The following TMPRSS11F variants were observed in gnomAD, a reference collection of about 807,000 sequenced individuals.
TMPRSS11F encodes the protein transmembrane protease serine 11F.
Under a neutral mutation model 60.2 loss-of-function variants are expected in TMPRSS11F, and 47 were observed. The ratio of observed to expected loss-of-function variants is 0.78; its 90% CI spans 0.62 to 1.00. TMPRSS11F has a LOEUF of 1.00. Ranked by LOEUF, TMPRSS11F falls within the 50% of genes least tolerant of loss-of-function variation. TMPRSS11F has a pLI of 0.00. For synonymous variants in TMPRSS11F, 166 were observed against 167.3 expected (o/e 0.99, Z 0.06); for missense variants, 519 against 522.9 (o/e 0.99, Z 0.07).
At chr4:68,087,282 G>T (rs1273701215) in intron 3 of TMPRSS11F, among the ~76,000 whole-genome samples, 2 of 152,078 alleles carry the variant, frequency 1.3e-5, no homozygotes, top group Non-Finnish European at 2.9e-5. Context: ...CCCAATAGAT[G>T]CAGAAAAAGC....
At chr4:68,062,832 G>A in intron 8 of TMPRSS11F, 1 of 766,090 alleles carries the variant, frequency 1.3e-6, no homozygotes, top group Non-Finnish European at 2.4e-6. Context: ...GATTTCCGTA[G>A]AGTTAACTTA....
At chr4:68,063,775 C>A (rs565813731) in intron 8 of TMPRSS11F, among the ~76,000 whole-genome samples, 1 of 151,814 alleles carries the variant, frequency 6.6e-6, no homozygotes, top group African/African-American at 2.4e-5. Context: ...CTTTTAACAC[C>A]CCTAGCAGGT....
chr4:68,099,096 T>C (rs2109871656), intron 1 of TMPRSS11F, 58 bp from the exon 2 acceptor site: 1 of 1,439,442 alleles, frequency 6.9e-7, no homozygotes, highest in Non-Finnish European at 9.6e-7. Context: ...CAACTTTATG[T>C]TTACTTACTA....
chr4:68,075,499 G>GTC (rs1208871617), intron 3 of TMPRSS11F, among the ~76,000 whole-genome samples: 7 of 148,784 alleles, frequency 4.7e-5, no homozygotes, highest in East Asian at 1.9e-4. Flanking sequence ...CTCTCTGTCT[G>GTC]TCTCTCTCTC....
At chr4:68,066,661 C>T (rs1038998478) in intron 7 of TMPRSS11F, among the ~76,000 whole-genome samples, 37 of 152,192 alleles carry the variant, frequency 2.4e-4, no homozygotes, top group South Asian at 1.7e-3. Context: ...TTAGGCCGGG[C>T]GCGGTGGTTC....
chr4:68,086,830 T>A (rs1296741223), intron 3 of TMPRSS11F, among the ~76,000 whole-genome samples: 1 of 151,952 alleles, frequency 6.6e-6, no homozygotes, highest in East Asian at 1.9e-4. Context: ...AAGTAGAAAT[T>A]GAAAACCTGA....
At chr4:68,075,625 TAAAAG>T (rs939480224) in intron 3 of TMPRSS11F, among the ~76,000 whole-genome samples, 1 of 151,938 alleles carries the variant, frequency 6.6e-6, no homozygotes, top group Non-Finnish European at 1.5e-5. Context: ...TTAAGAGAAA[TAAAAG>T]AAAACTAGGT....
intron 1 of TMPRSS11F, among the ~76,000 whole-genome samples, chr4:68,112,831 T>C (rs1724433949): frequency 6.6e-6 from 1 of 152,138 alleles, no homozygotes; most frequent in Non-Finnish European, 1.5e-5. Flanking sequence ...TACCTTCTCT[T>C]AGTTTATAAT....
At chr4:68,100,972 C>T (rs1016556762) in intron 1 of TMPRSS11F, among the ~76,000 whole-genome samples, 1 of 152,112 alleles carries the variant, frequency 6.6e-6, no homozygotes, top group Non-Finnish European at 1.5e-5. Context: ...GCTGTAATTA[C>T]TTTATTATTC....
chr4:68,054,854 A>G (rs1318450682), intron 9 of TMPRSS11F, among the ~76,000 whole-genome samples: 1 of 152,028 alleles, frequency 6.6e-6, no homozygotes, highest in African/African-American at 2.4e-5. Context: ...AGTTTAGGTT[A>G]AAAACAACAA....
chr4:68,127,346 T>C (rs185445888), intron 1 of TMPRSS11F, among the ~76,000 whole-genome samples: 2 of 152,224 alleles, frequency 1.3e-5, no homozygotes, highest in East Asian at 3.9e-4. Context: ...AGCATGTCAG[T>C]ATTTGTTTTT....
chr4:68,076,013 A>C (rs1256051246), intron 3 of TMPRSS11F, among the ~76,000 whole-genome samples: 1 of 151,590 alleles, frequency 6.6e-6, no homozygotes, highest in African/African-American at 2.4e-5. Flanking sequence ...AAAAAAAAAA[A>C]GAATAAAGAA....
At chr4:68,086,175 C>G (rs929005906) in intron 3 of TMPRSS11F, among the ~76,000 whole-genome samples, 4 of 152,088 alleles carry the variant, frequency 2.6e-5, no homozygotes, top group African/African-American at 4.8e-5. Context: ...AGCAAGCACA[C>G]TCTCATACCA....
rs948751822 is a variant in TMPRSS11F, at chr4:68,064,673, G to A, written c.1015+12C>T. On this transcript the variant is annotated intron_variant, in intron 8 of 9. Transcript: ENST00000356291. ...ATTCTTGTGCTAAGAAAATTAGGTT[G>A]AAACTGCTCACCATCATCTACAATG... 1.2e-6 allele frequency: 2 copies of A among 1,610,756 alleles called. No homozygotes were observed. The highest frequency in any genetic ancestry group is 1.7e-6 in the Non-Finnish European group (2 of 1,178,266).
chr4:68,091,539 T>A (rs770254905), intron 2 of TMPRSS11F, among the ~76,000 whole-genome samples: 2 of 152,136 alleles, frequency 1.3e-5, no homozygotes, highest in Non-Finnish European at 2.9e-5. Flanking sequence ...TTATTGCACA[T>A]TAAATAGGCA....
chr4:68,121,036 G>C (rs1164497506), intron 1 of TMPRSS11F, among the ~76,000 whole-genome samples: 2 of 152,172 alleles, frequency 1.3e-5, no homozygotes, highest in African/African-American at 2.4e-5. Context: ...TATTGCAGTG[G>C]TCTGGAATAG....
chr4:68,102,369 A>AT (rs1724210776), intron 1 of TMPRSS11F, among the ~76,000 whole-genome samples: 1 of 152,088 alleles, frequency 6.6e-6, no homozygotes, highest in Admixed American at 6.6e-5. Flanking sequence ...TGGTAGTTAT[A>AT]TTTTTAATTT....
At chr4:68,087,547 A>G (rs1723837871) in intron 3 of TMPRSS11F, among the ~76,000 whole-genome samples, 1 of 152,128 alleles carries the variant, frequency 6.6e-6, no homozygotes, top group African/African-American at 2.4e-5. Flanking sequence ...AAGGCATCCA[A>G]ATAGAAAAAG....
chr4:68,083,090 A>G (rs1383816873), intron 3 of TMPRSS11F, among the ~76,000 whole-genome samples: 2 of 152,204 alleles, frequency 1.3e-5, no homozygotes, highest in Non-Finnish European at 2.9e-5. Flanking sequence ...CTGCATACCC[A>G]TGACAACACC....
Sources: gnomAD v4.1 joint callset for allele counts (sites outside exome capture counted in the v4.1 genomes callset) on GRCh38, gnomAD v4.1.1 for gene constraint, MANE v1.5 for transcripts, NCBI Gene and HGNC (gene_info 2026-07-23, HGNC 2026-07-21) for gene names.